The following RAB1A variants were observed in gnomAD, a reference collection of about 807,000 sequenced individuals.
The protein encoded by RAB1A is ras-related protein Rab-1A.
Under a neutral mutation model 26.0 loss-of-function variants are expected in RAB1A, and 2 were observed. The observed-to-expected ratio is 0.08, with a 90% CI of 0.03 to 0.24. The LOEUF (loss-of-function observed/expected upper bound fraction) is 0.24, where lower values mean the gene tolerates loss of function less well. RAB1A is among the 10% of genes least tolerant of loss of function. RAB1A has a pLI of 1.00. For missense variants in RAB1A, 100 were observed against 247.0 expected (o/e 0.40, Z 3.99); for synonymous variants, 84 against 84.9 (o/e 0.99, Z 0.06).
At chr2:65,127,492 G>A (rs183214183) in intron 1 of RAB1A, among the ~76,000 whole-genome samples, 3 of 152,310 alleles carry the variant, frequency 2.0e-5, no homozygotes, top group African/African-American at 7.2e-5. Flanking sequence ...AACACTTTGG[G>A]AAGCTGAGGC....
chr2:65,094,918 A>G (rs1445302125), intron 3 of RAB1A, among the ~76,000 whole-genome samples: 3 of 152,352 alleles, frequency 2.0e-5, no homozygotes, highest in Middle Eastern at 3.4e-3. Context: ...TTGTGATAAG[A>G]TCAATCTGAA....
chr2:65,129,959 C>A lies in RAB1A; in HGVS notation c.-44G>T. 9.6e-6 allele frequency: 15 copies of A among 1,569,614 alleles called. No individual in the cohort carries two copies. Among genetic ancestry groups the A allele is most frequent in the Non-Finnish European group, 1.2e-5 (14 of 1,158,454 alleles). On this transcript the variant is annotated 5_prime_UTR_variant, in exon 1 of 6. Transcript: ENST00000409784. Reference sequence around the variant, plus strand: ...GCCGCCACCGCCGCCCTTGCTGCCGCAGCCGCCGCCCTGACTCTCCGCGCC... The same window carrying A: ...GCCGCCACCGCCGCCCTTGCTGCCGAAGCCGCCGCCCTGACTCTCCGCGCC...
intron 1 of RAB1A, among the ~76,000 whole-genome samples, chr2:65,128,527 T>C (rs1042978303): frequency 1.3e-5 from 2 of 152,194 alleles, no homozygotes; most frequent in African/African-American, 2.4e-5. Context: ...CCTCAACTTC[T>C]AAAACATGAA....
intron 5 of RAB1A, 112 bp downstream of exon 5, chr2:65,088,827 A>G: frequency 7.5e-7 from 1 of 1,339,058 alleles, no homozygotes; most frequent in South Asian, 1.5e-5. Context: ...TGTCACTGTC[A>G]CAGTATTCTA....
intron 4 of RAB1A, among the ~76,000 whole-genome samples, 183 bp from the exon 5 acceptor site, chr2:65,089,253 C>T (rs1295161021): frequency 6.6e-6 from 1 of 152,042 alleles, no homozygotes; most frequent in Non-Finnish European, 1.5e-5. Flanking sequence ...TGCTCTGTCA[C>T]CTAGGCCGGA....
chr2:65,106,902 C>T (rs1013954778), intron 1 of RAB1A, among the ~76,000 whole-genome samples: 1 of 151,726 alleles, frequency 6.6e-6, no homozygotes, highest in Non-Finnish European at 1.5e-5. Flanking sequence ...CAGAGTCTTG[C>T]TCTGTTGCTC....
At chr2:65,090,441 C>G (rs966850545) in intron 4 of RAB1A, among the ~76,000 whole-genome samples, 1 of 152,094 alleles carries the variant, frequency 6.6e-6, no homozygotes, top group African/African-American at 2.4e-5. Context: ...TCACACTGTC[C>G]CACATTGTTC....
intron 2 of RAB1A, among the ~76,000 whole-genome samples, chr2:65,099,604 A>G (rs141702705): frequency 1.9e-4 from 29 of 152,292 alleles, no homozygotes; most frequent in African/African-American, 6.5e-4. Flanking sequence ...TGAAACAAGA[A>G]ACTAAGTTTT....
chr2:65,088,910 T>G (rs771493216), intron 5 of RAB1A, 29 bp downstream of exon 5: 1 of 1,575,858 alleles, frequency 6.3e-7, no homozygotes, highest in Non-Finnish European at 8.6e-7. Flanking sequence ...ACCTTCAAAT[T>G]CAGTATGAAA....
At chr2:65,113,015 C>G (rs1669737432) in intron 1 of RAB1A, among the ~76,000 whole-genome samples, 1 of 151,880 alleles carries the variant, frequency 6.6e-6, no homozygotes, top group Non-Finnish European at 1.5e-5. Context: ...TCCAGACCAG[C>G]CTGGGCAACA....
intron 3 of RAB1A, among the ~76,000 whole-genome samples, chr2:65,095,177 G>C (rs926294177): frequency 3.3e-5 from 5 of 152,138 alleles, no homozygotes; most frequent in African/African-American, 1.2e-4. Context: ...CTGGCAACTA[G>C]AGGTTTTGTG....
chr2:65,106,414 T>A (rs1259117673), intron 1 of RAB1A: 1 of 358,486 alleles, frequency 2.8e-6, no homozygotes, highest in South Asian at 2.1e-5. Flanking sequence ...TTTGTTTTAA[T>A]TGCACTGCCA....
intron 2 of RAB1A, among the ~76,000 whole-genome samples, chr2:65,098,461 C>T (rs1490011780): frequency 2.0e-5 from 3 of 152,136 alleles, no homozygotes; most frequent in African/African-American, 7.2e-5. Context: ...CCCACCCACC[C>T]AATTTATTCA....
chr2:65,111,927 T>C (rs1028815848), intron 1 of RAB1A, among the ~76,000 whole-genome samples: 1 of 151,580 alleles, frequency 6.6e-6, no homozygotes, highest in Non-Finnish European at 1.5e-5. Context: ...CTACTAAAAA[T>C]ACAAAATTAG....
At chr2:65,111,625 A>C (rs62140404) in intron 1 of RAB1A, among the ~76,000 whole-genome samples, 26,445 of 152,188 alleles carry the variant, frequency 0.17, 2,804 homozygotes, top group Non-Finnish European at 0.24. Flanking sequence ...CACTGTACCA[A>C]TGTTTATTTC....
chr2:65,104,272 G>C (rs948122725), intron 2 of RAB1A, among the ~76,000 whole-genome samples: 1 of 151,880 alleles, frequency 6.6e-6, no homozygotes, highest in Non-Finnish European at 1.5e-5. Context: ...TGTTGTCCAG[G>C]TTGGTCTCAA....
Position 65,129,927 on chromosome 2 carries a change from T to TGCCGCC in RAB1A, c.-18_-13dup, listed in dbSNP as rs753592329. On this transcript the variant is annotated 5_prime_UTR_variant, in exon 1 of 6. Coordinates refer to ENST00000409784, the MANE Select transcript of RAB1A (RefSeq NM_004161.5). ...TTCATGCTGGACATGTCACTGCAGCTGCCGCCGCCGCCACCGCCGCCCTTG... is the reference window on the plus strand; with the variant it reads ...TTCATGCTGGACATGTCACTGCAGCTGCCGCCGCCGCCGCCGCCACCGCCGCCCTTG... 655 of 1,585,544 alleles carry TGCCGCC rather than the reference T, an allele frequency of 4.1e-4. No individual in the cohort carries two copies. Among genetic ancestry groups the TGCCGCC allele is most frequent in the Middle Eastern group, 2.0e-3 (12 of 6,038 alleles).
intron 1 of RAB1A, among the ~76,000 whole-genome samples, chr2:65,112,471 G>C (rs1284051795): frequency 6.6e-6 from 1 of 152,208 alleles, no homozygotes; most frequent in Non-Finnish European, 1.5e-5. Flanking sequence ...TAAACAATAT[G>C]AGAGACATTT....
chr2:65,114,058 A>C (rs1669765929), intron 1 of RAB1A: 1 of 347,054 alleles, frequency 2.9e-6, no homozygotes, highest in Non-Finnish European at 5.7e-6. Context: ...ATTACTTCTA[A>C]GTAGGTAGAG....
Sources: gnomAD v4.1 joint callset for allele counts (sites outside exome capture counted in the v4.1 genomes callset) on GRCh38, gnomAD v4.1.1 for gene constraint, MANE v1.5 for transcripts, NCBI Gene and HGNC (gene_info 2026-07-23, HGNC 2026-07-21) for gene names.